CSMD3: variants seen among roughly 807,000 people sequenced by gnomAD.
CSMD3 encodes the protein CUB and sushi domain-containing protein 3.
Under a neutral mutation model 435.2 loss-of-function variants are expected in CSMD3, and 177 were observed. The observed-to-expected ratio is 0.41, with a 90% CI of 0.36 to 0.46. The LOEUF (loss-of-function observed/expected upper bound fraction) is 0.46. Ranked by LOEUF, CSMD3 falls within the 20% of genes least tolerant of loss-of-function variation. The probability of loss-of-function intolerance (pLI) is 0.34; values close to 1 mark genes in which losing one functional copy is unlikely to be tolerated. For synonymous variants in CSMD3, 1,656 were observed against 1,520.5 expected (o/e 1.09, Z -2.07); for missense variants, 4,265 against 4,504.6 (o/e 0.95, Z 1.52).
At chr8:112,644,262 T>A (rs941814376) in intron 20 of CSMD3, among the ~76,000 whole-genome samples, 1 of 151,910 alleles carries the variant, frequency 6.6e-6, no homozygotes, top group Admixed American at 6.6e-5. Flanking sequence ...AAATTTGAAA[T>A]ACATACTTAT....
intron 5 of CSMD3, among the ~76,000 whole-genome samples, chr8:113,070,464 C>T (rs1417730461): frequency 6.6e-6 from 1 of 151,926 alleles, no homozygotes; most frequent in Non-Finnish European, 1.5e-5. Flanking sequence ...GGTGAAAATA[C>T]TTAAGATCTA....
At chr8:113,273,189 GATT>G (rs1344767352) in intron 3 of CSMD3, among the ~76,000 whole-genome samples, 6 of 151,510 alleles carry the variant, frequency 4.0e-5, no homozygotes, top group African/African-American at 1.5e-4. Flanking sequence ...ACATTTTCTT[GATT>G]ATTGAGATCC....
chr8:113,339,184 A>C (rs2094099866), intron 1 of CSMD3, among the ~76,000 whole-genome samples: 2 of 152,010 alleles, frequency 1.3e-5, no homozygotes, highest in Non-Finnish European at 2.9e-5. Flanking sequence ...CATAATGAAT[A>C]CTATGTGTTA....
At chr8:112,276,585 C>T (rs1204773016) in intron 59 of CSMD3, among the ~76,000 whole-genome samples, 1 of 151,940 alleles carries the variant, frequency 6.6e-6, no homozygotes, top group African/African-American at 2.4e-5. Flanking sequence ...AGACCCAGGG[C>T]CTTCCTACTG....
rs114926522 is a variant in CSMD3, at chr8:112,291,619, G to C, written c.8865C>G (p.Tyr2955Ter). 6.2e-7 allele frequency: 1 copy of C among 1,610,754 alleles called. No individual in the cohort carries two copies. The highest frequency in any genetic ancestry group is 8.5e-7 in the Non-Finnish European group (1 of 1,177,408). The change falls in exon 56 of 71, where the codon TAC becomes TAG. Residue 2955 changes from tyrosine to a stop codon, truncating the protein, a stop_gained. Transcript: ENST00000297405. LOFTEE classifies it high-confidence loss of function. The part of the protein sequence containing the change: ...ESKIEHGNFT[Y>*]GTVVFYDCNP... ...TGCAGTCATAGAATACCACAGTGCC[G>C]TAAGTAAAATTTCCATGTTCTATTT... is the stretch of plus-strand genomic sequence containing the variant.
At chr8:112,439,241 C>T (rs956607653) in intron 32 of CSMD3, among the ~76,000 whole-genome samples, 2 of 152,056 alleles carry the variant, frequency 1.3e-5, no homozygotes, top group African/African-American at 4.8e-5. Flanking sequence ...TCTGGGTTCA[C>T]GCCATTCTCC....
intron 3 of CSMD3, among the ~76,000 whole-genome samples, chr8:113,197,606 T>A (rs1231729170): frequency 6.6e-6 from 1 of 151,292 alleles, no homozygotes; most frequent in Non-Finnish European, 1.5e-5. Flanking sequence ...AAAAACTTTA[T>A]AATAAATTAT....
intron 63 of CSMD3, among the ~76,000 whole-genome samples, chr8:112,247,613 C>A (rs574077434): frequency 1.3e-5 from 2 of 152,060 alleles, no homozygotes; most frequent in South Asian, 4.1e-4. Flanking sequence ...GTGGTGATAA[C>A]GGAAATATAC....
At chr8:112,728,775 TA>T (rs1170804802) in intron 13 of CSMD3, among the ~76,000 whole-genome samples, 6 of 152,096 alleles carry the variant, frequency 3.9e-5, no homozygotes, top group Admixed American at 2.0e-4. Flanking sequence ...TTCTCCTATT[TA>T]AAACAAATAA....
intron 27 of CSMD3, among the ~76,000 whole-genome samples, chr8:112,534,693 A>G (rs1825881980): frequency 6.6e-6 from 1 of 152,136 alleles, no homozygotes; most frequent in Non-Finnish European, 1.5e-5. Flanking sequence ...GGCCAGCATC[A>G]TTCTGATACC....
chr8:113,242,576 A>G (rs978253978), intron 3 of CSMD3, among the ~76,000 whole-genome samples: 1 of 152,032 alleles, frequency 6.6e-6, no homozygotes, highest in African/African-American at 2.4e-5. Flanking sequence ...CTGCTTTGTC[A>G]TGAACAAAAA....
At chr8:112,730,623 T>C (rs547145616) in intron 13 of CSMD3, among the ~76,000 whole-genome samples, 11 of 152,242 alleles carry the variant, frequency 7.2e-5, no homozygotes, top group African/African-American at 1.7e-4. Flanking sequence ...GATGTTGATA[T>C]GGGAAAACCC....
chr8:112,492,571 A>G lies in CSMD3; in HGVS notation c.5196T>C (p.Val1732=), dbSNP rs973590533. The change falls in exon 31 of 71, where the codon GTT becomes GTC. Residue 1732 remains valine, a synonymous_variant. Transcript: ENST00000297405. ...AGGTGAGTGTTGAATAACCTTGAAG[A>G]ACATAACCAGCATCACAGTAATAGG... ...TVTYYCDAGY[V]LQGYSTLTCI... is the part of the protein sequence containing the mutation. 6.2e-7 allele frequency: 1 copy of G among 1,613,894 alleles called. No individual in the cohort carries two copies. The highest frequency in any genetic ancestry group is 1.1e-5 in the South Asian group (1 of 91,080).
At position 112,292,629 on chromosome 8, in the gene CSMD3, A is replaced by C. The variant is rs1382755618; in HGVS notation, c.8696T>G (p.Phe2899Cys). The C allele has an allele frequency of 6.2e-7, 1 of 1,613,834 alleles. No individual in the cohort carries two copies. The highest frequency in any genetic ancestry group is 1.3e-5 in the African/African-American group (1 of 75,008). ...NGFNFNDVVT[F>C]SCNIGYLMQG... ...CATAAGATACCCAATATTGCATGAG[A>C]ATGTTACCACATCATTAAAGTTGAA... is the stretch of plus-strand genomic sequence containing the variant. The change falls in exon 55 of 71, where the codon TTC becomes TGC. Residue 2899 changes from phenylalanine (F) to cysteine (C), a missense_variant. Phe to Cys is a radical substitution (Grantham distance 205). Transcript: ENST00000297405.
At chr8:112,493,227 T>A (rs1820881530) in intron 30 of CSMD3, among the ~76,000 whole-genome samples, 1 of 152,132 alleles carries the variant, frequency 6.6e-6, no homozygotes, top group Non-Finnish European at 1.5e-5. Context: ...AAATTTAGTA[T>A]CCAATGCATA....
At chr8:112,923,217 T>C (rs2082800961) in intron 9 of CSMD3, among the ~76,000 whole-genome samples, 1 of 152,124 alleles carries the variant, frequency 6.6e-6, no homozygotes. Context: ...CAATCTGTTC[T>C]TAAATAGTAT....
At chr8:112,671,597 G>T (rs1287704058) in intron 16 of CSMD3, among the ~76,000 whole-genome samples, 2 of 152,060 alleles carry the variant, frequency 1.3e-5, no homozygotes, top group Admixed American at 6.6e-5. Context: ...CTCTGACAGA[G>T]AAATTTTTCT....
intron 3 of CSMD3, among the ~76,000 whole-genome samples, chr8:113,210,282 A>G (rs2092818775): frequency 6.6e-6 from 1 of 152,106 alleles, no homozygotes. Context: ...TTCATGGAGT[A>G]TGAGCACTGG....
At chr8:113,323,153 G>A (rs1207008670) in intron 1 of CSMD3, among the ~76,000 whole-genome samples, 2 of 152,060 alleles carry the variant, frequency 1.3e-5, no homozygotes, top group Non-Finnish European at 2.9e-5. Flanking sequence ...CCTAATCACT[G>A]TCTGAAATTA....
Sources: gnomAD v4.1 joint callset for allele counts (sites outside exome capture counted in the v4.1 genomes callset) on GRCh38, gnomAD v4.1.1 for gene constraint, MANE v1.5 for transcripts, NCBI Gene and HGNC (gene_info 2026-07-23, HGNC 2026-07-21) for gene names.